Variants in FAM193A observed in about 807,000 individuals in gnomAD.
FAM193A encodes the protein family with sequence similarity 193 member A, also known as protein FAM193A.
A neutral mutation model predicts 126.5 loss-of-function variants in FAM193A; 22 were observed. The ratio of observed to expected loss-of-function variants is 0.17; its 90% CI spans 0.12 to 0.25. The LOEUF (loss-of-function observed/expected upper bound fraction) is 0.25, where lower values mean the gene tolerates loss of function less well. Among genes scored for constraint, FAM193A ranks in the 10% least tolerant of loss-of-function variants. The pLI is 1.00. For missense variants in FAM193A, 1,675 were observed against 1,672.8 expected, an observed-to-expected ratio of 1.00 and a Z score of -0.02; for synonymous variants, 761 against 646.8, an observed-to-expected ratio of 1.18 and a Z score of -2.68.
chr4:2,537,155 C>T lies in FAM193A; in HGVS notation c.240C>T (p.Pro80=), dbSNP rs1258944300. The T allele has an allele frequency of 7.8e-5, 15 of 191,390 alleles. No individual in the cohort carries two copies. In the South Asian group the frequency reaches 2.4e-3, roughly 31 times the overall value. 11.9% of individuals were successfully genotyped at this position (191,390 alleles called of 1,614,324 possible). A position where few individuals can be genotyped will look rare whatever the true frequency, so the allele number is the denominator to read the frequency against. ...GAGASAGGAA[P]GGYFETPFSF... is the part of the protein sequence containing the mutation. Reference sequence around the variant, plus strand: ...GCGCGAGCGCGGGCGGCGCCGCCCCCGGAGGCTACTTCGAGGTAAGCGGCG... The same window carrying T: ...GCGCGAGCGCGGGCGGCGCCGCCCCTGGAGGCTACTTCGAGGTAAGCGGCG... The change falls in exon 1 of 21, where the codon CCC becomes CCT. Residue 80 remains proline, a synonymous_variant. Transcript: ENST00000637812.
chr4:2,643,470 T>C (rs1744839577), intron 6 of FAM193A, among the ~76,000 whole-genome samples: 1 of 152,180 alleles, frequency 6.6e-6, no homozygotes, highest in Non-Finnish European at 1.5e-5. Flanking sequence ...TTCAATAACA[T>C]TAATTATATT....
chr4:2,599,247 T>G (rs1741052601), intron 2 of FAM193A, among the ~76,000 whole-genome samples: 1 of 151,976 alleles, frequency 6.6e-6, no homozygotes, highest in Non-Finnish European at 1.5e-5. Context: ...TTTTATGGCC[T>G]CCTTCCACTT....
intron 1 of FAM193A, among the ~76,000 whole-genome samples, chr4:2,538,102 T>C (rs1034477531): frequency 6.6e-6 from 1 of 152,214 alleles, no homozygotes; most frequent in Non-Finnish European, 1.5e-5. Context: ...TAATGTTATT[T>C]AAACTCTTAA....
Position 2,684,231 on chromosome 4 carries a change from G to A in FAM193A, c.2332-5275G>A, listed in dbSNP as rs946008646. 3.9e-5 allele frequency among the ~76,000 whole-genome samples: 6 copies of A among 152,198 alleles called. No homozygotes were observed. In the East Asian group the frequency reaches 7.7e-4, roughly 20 times the overall value. Reference sequence around the variant, plus strand: ...CTGCATTCCTAACACTCTCTTGCATGTTTCTCATCTCCTTTTCTCCCAGTT... The same window carrying A: ...CTGCATTCCTAACACTCTCTTGCATATTTCTCATCTCCTTTTCTCCCAGTT... On this transcript the variant is annotated intron_variant, in intron 13 of 20. Transcript: ENST00000637812.
intron 2 of FAM193A, among the ~76,000 whole-genome samples, chr4:2,599,406 TCTCTGGTCAGGG>T (rs1214026746): frequency 3.9e-5 from 6 of 152,210 alleles, no homozygotes; most frequent in Non-Finnish European, 5.9e-5. Flanking sequence ...TCCTGCTCTG[TCTCTGGTCAGGG>T]CTCTGGTCAG....
chr4:2,543,207 C>T lies in FAM193A; in HGVS notation c.255+6037C>T, dbSNP rs536567416. Among the ~76,000 whole-genome samples, 3 of 152,134 alleles carry T rather than the reference C, an allele frequency of 2.0e-5. No homozygotes were observed. The East Asian group carries it at 5.8e-4, about 29-fold the overall frequency. On this transcript the variant is annotated intron_variant, in intron 1 of 20. Transcript: ENST00000637812. ...GGTTCAAGTGATTCTCCTGCCTCAG[C>T]CTCCCAGGTCGCTGGGGCTACTGGT...
intron 12 of FAM193A, among the ~76,000 whole-genome samples, chr4:2,666,964 T>A (rs1286440519): frequency 6.6e-6 from 1 of 152,246 alleles, no homozygotes; most frequent in Admixed American, 6.5e-5. Context: ...TGAAATTGAT[T>A]ATTTCTTTCT....
intron 2 of FAM193A, among the ~76,000 whole-genome samples, chr4:2,608,972 G>A (rs887254729): frequency 2.0e-5 from 3 of 149,706 alleles, no homozygotes; most frequent in Admixed American, 6.7e-5. Flanking sequence ...CTCACTGCAA[G>A]CTCTGCCTCC....
intron 7 of FAM193A, among the ~76,000 whole-genome samples, chr4:2,653,574 G>C (rs1297814211): frequency 6.6e-6 from 1 of 152,166 alleles, no homozygotes; most frequent in East Asian, 1.9e-4. Flanking sequence ...CTCCCGAGTA[G>C]TAGGGACTAC....
At chr4:2,572,355 A>G (rs1739344147) in intron 1 of FAM193A, among the ~76,000 whole-genome samples, 1 of 151,730 alleles carries the variant, frequency 6.6e-6, no homozygotes, top group South Asian at 2.1e-4. Context: ...GTCCAAGGTA[A>G]CATTTCAAGT....
chr4:2,729,943 T>C (rs1721190224), intron 20 of FAM193A, among the ~76,000 whole-genome samples: 1 of 151,956 alleles, frequency 6.6e-6, no homozygotes, highest in African/African-American at 2.4e-5. Flanking sequence ...CTCACCTTTG[T>C]CACCCAGGCT....
At chr4:2,668,689 G>A (rs1244397592) in intron 12 of FAM193A, among the ~76,000 whole-genome samples, 3 of 151,836 alleles carry the variant, frequency 2.0e-5, no homozygotes, top group Non-Finnish European at 4.4e-5. Context: ...TTTAATTACT[G>A]CTTTATACAG....
chr4:2,618,057 C>G (rs561963553), intron 2 of FAM193A, among the ~76,000 whole-genome samples: 1 of 152,250 alleles, frequency 6.6e-6, no homozygotes, highest in Admixed American at 6.5e-5. Flanking sequence ...GGTTGTTGGT[C>G]ATTTCTTTCG....
intron 1 of FAM193A, among the ~76,000 whole-genome samples, chr4:2,548,610 C>T (rs1036836515): frequency 6.6e-6 from 1 of 151,546 alleles, no homozygotes; most frequent in Non-Finnish European, 1.5e-5. Flanking sequence ...GGATGTGCCA[C>T]CGCGCCTGGC....
rs1027030167 is a variant in FAM193A at position 2,550,466 on chromosome 4, C to T, written c.255+13296C>T. 5.3e-5 allele frequency among the ~76,000 whole-genome samples: 8 copies of T among 152,044 alleles called. No individual in the cohort carries two copies. The East Asian group carries it at 5.8e-4, about 11-fold the overall frequency. ...TTTGTTTATTTTTGAGGCAGAGTTTCGCTCTTGGTGCCCAGGCTGCAGTGT... is the reference window on the plus strand; with the variant it reads ...TTTGTTTATTTTTGAGGCAGAGTTTTGCTCTTGGTGCCCAGGCTGCAGTGT... On this transcript the variant is annotated intron_variant, in intron 1 of 20. Coordinates refer to ENST00000637812, the MANE Select transcript of FAM193A (RefSeq NM_001366318.2).
intron 17 of FAM193A, among the ~76,000 whole-genome samples, chr4:2,695,566 A>G (rs1450099671): frequency 6.6e-6 from 1 of 152,188 alleles, no homozygotes; most frequent in Non-Finnish European, 1.5e-5. Flanking sequence ...TTTAAGAGGG[A>G]TGGGTGACAG....
chr4:2,639,671 G>C, intron 5 of FAM193A, 64 bp from the exon 6 acceptor site: 2 of 1,424,872 alleles, frequency 1.4e-6, no homozygotes, highest in African/African-American at 1.4e-5. Context: ...AATCCCTCTG[G>C]GAATTTTCTA....
chr4:2,706,234 C>T (rs902835283), intron 19 of FAM193A, among the ~76,000 whole-genome samples: 1 of 151,366 alleles, frequency 6.6e-6, no homozygotes, highest in Non-Finnish European at 1.5e-5. Flanking sequence ...TAAATAAAAT[C>T]ATCTTGTCCC....
intron 5 of FAM193A, among the ~76,000 whole-genome samples, chr4:2,639,327 A>G (rs542270904): frequency 1.3e-5 from 2 of 152,286 alleles, no homozygotes; most frequent in Admixed American, 6.5e-5. Flanking sequence ...AGGTAAGAAA[A>G]TTGTTATCCT....
Sources: allele counts gnomAD v4.1 joint callset (sites outside exome capture counted in the v4.1 genomes callset), GRCh38; gene constraint gnomAD v4.1.1; transcripts MANE v1.5; gene names NCBI Gene and HGNC (gene_info 2026-07-23, HGNC 2026-07-21).